The following PCDHA2 variants were observed in gnomAD, a reference collection of about 807,000 sequenced individuals.
PCDHA2 encodes the protein protocadherin alpha 2.
In PCDHA2, 58 loss-of-function variants were observed where a neutral mutation model predicts 66.0. The observed-to-expected ratio is 0.88, with a 90% CI of 0.71 to 1.09. The LOEUF is 1.09. Ranked by LOEUF, PCDHA2 falls within the 50% of genes least tolerant of loss-of-function variation. PCDHA2 has a pLI of 0.00. For synonymous variants in PCDHA2, 634 were observed against 554.0 expected, an observed-to-expected ratio of 1.14 and a Z score of -2.03; for missense variants, 1,267 against 1,242.3, an observed-to-expected ratio of 1.02 and a Z score of -0.30.
At chr5:140,863,510 T>C in intron 1 of PCDHA2, 1 of 411,624 alleles carries the variant, frequency 2.4e-6, no homozygotes, top group Non-Finnish European at 4.8e-6. Context: ...TTAGTCCTAG[T>C]GTTCTCCCAT....
intron 1 of PCDHA2, among the ~76,000 whole-genome samples, chr5:140,944,151 A>G (rs2093615419): frequency 6.6e-6 from 1 of 152,070 alleles, no homozygotes; most frequent in African/African-American, 2.4e-5. Flanking sequence ...GAAGAGTTGA[A>G]AATTAAAGGG....
At chr5:140,807,375 T>C (rs1763901819) in intron 1 of PCDHA2, 1 of 1,606,306 alleles carries the variant, frequency 6.2e-7, no homozygotes, top group Non-Finnish European at 8.5e-7. Flanking sequence ...GTGCCGCGCC[T>C]GTTCCGGGTG....
intron 1 of PCDHA2, chr5:140,802,166 G>A: frequency 1.2e-6 from 2 of 1,614,168 alleles, no homozygotes; most frequent in South Asian, 1.1e-5. Flanking sequence ...TAGAAGCCAC[G>A]GATAAAGGAA....
At chr5:140,932,525 A>G (rs2088383031) in intron 1 of PCDHA2, among the ~76,000 whole-genome samples, 1 of 151,898 alleles carries the variant, frequency 6.6e-6, no homozygotes, top group Non-Finnish European at 1.5e-5. Flanking sequence ...TGTTTGTGGC[A>G]TTCAAGGTGC....
chr5:140,804,684 C>A (rs1266870700), intron 1 of PCDHA2: 1 of 162,264 alleles, frequency 6.2e-6, no homozygotes, highest in African/African-American at 2.4e-5. Flanking sequence ...CTCCAAATAA[C>A]CAGAACCAAA....
chr5:140,823,739 AG>A, intron 1 of PCDHA2: 1 of 1,613,790 alleles, frequency 6.2e-7, no homozygotes, highest in Non-Finnish European at 8.5e-7. Flanking sequence ...GACCATGGAG[AG>A]CCCCCGCTGA....
chr5:140,973,653 A>G (rs2096597249), intron 1 of PCDHA2, among the ~76,000 whole-genome samples: 1 of 152,202 alleles, frequency 6.6e-6, no homozygotes, highest in African/African-American at 2.4e-5. Context: ...TGAAGAAGAA[A>G]TCTATTTATT....
chr5:140,877,581 C>G (rs904001764), intron 1 of PCDHA2: 1 of 1,613,842 alleles, frequency 6.2e-7, no homozygotes, highest in Admixed American at 1.7e-5. Context: ...TCATCATCGC[C>G]ATCTGTGCGG....
At chr5:140,874,401 A>G (rs2054889687) in intron 1 of PCDHA2, among the ~76,000 whole-genome samples, 1 of 152,218 alleles carries the variant, frequency 6.6e-6, no homozygotes, top group African/African-American at 2.4e-5. Context: ...CTTGCATAAC[A>G]GTCACCATTC....
At chr5:140,807,936 G>A in intron 1 of PCDHA2, 1 of 1,614,112 alleles carries the variant, frequency 6.2e-7, no homozygotes, top group South Asian at 1.1e-5. Flanking sequence ...TATAAGGTGA[G>A]ATTACTAGAA....
intron 1 of PCDHA2, among the ~76,000 whole-genome samples, chr5:140,898,083 A>G (rs2066516404): frequency 6.6e-6 from 1 of 151,810 alleles, no homozygotes; most frequent in South Asian, 2.1e-4. Context: ...TAGATTCTGG[A>G]TATTAGCCCT....
intron 1 of PCDHA2, chr5:140,829,429 C>G: frequency 5.0e-6 from 8 of 1,614,012 alleles, no homozygotes; most frequent in African/African-American, 1.3e-5. Context: ...TGGAGGTGGC[C>G]GACATGAATG....
chr5:140,952,378 A>G (rs1282372403), intron 1 of PCDHA2, among the ~76,000 whole-genome samples: 1 of 151,376 alleles, frequency 6.6e-6, no homozygotes, highest in Non-Finnish European at 1.5e-5. Flanking sequence ...TTCCTCTGCC[A>G]GGTACCCTAA....
At chr5:140,868,420 A>C (rs1554161960) in intron 1 of PCDHA2, 1 of 152,238 alleles carries the variant, frequency 6.6e-6, no homozygotes, top group Non-Finnish European at 1.5e-5. Flanking sequence ...AAGCCCACAG[A>C]GATGAGAATA....
At chr5:140,938,536 G>T (rs1443736475) in intron 1 of PCDHA2, among the ~76,000 whole-genome samples, 2 of 140,060 alleles carry the variant, frequency 1.4e-5, no homozygotes, top group Non-Finnish European at 3.2e-5. Context: ...TGGATAATAT[G>T]GATTTTTATC....
chr5:140,946,631 T>TATATATATATATATATATATACAC lies in PCDHA2; in HGVS notation c.2389-32317_2389-32316insTATATATATATATATATATACACA, dbSNP rs57893927. Among the ~76,000 whole-genome samples, 100 of 131,838 alleles carry TATATATATATATATATATATACAC rather than the reference T, an allele frequency of 7.6e-4. 3 individuals carry two copies. Among genetic ancestry groups the TATATATATATATATATATATACAC allele is most frequent in the African/African-American group, 2.6e-3 (76 of 28,714 alleles). The allele number at this position is 131,838 out of a possible 152,430, so 86.5% of individuals were successfully genotyped here. A position where few individuals can be genotyped will look rare whatever the true frequency, so the allele number is the denominator to read the frequency against. On this transcript the variant is annotated intron_variant, in intron 1 of 3. Transcript: ENST00000526136. ...TGTGAAATATATATATATATATATA[T>TATATATATATATATATATATACAC]ACAATGGAATACTCATCAGCCATTA...
chr5:140,807,800 G>A (rs1764034849), intron 1 of PCDHA2: 7 of 1,614,026 alleles, frequency 4.3e-6, no homozygotes, highest in Non-Finnish European at 5.9e-6. Flanking sequence ...CAGAGAAGAA[G>A]CTCCGGAGAT....
chr5:140,858,889 AT>A (rs2045644235), intron 1 of PCDHA2: 2 of 236,178 alleles, frequency 8.5e-6, no homozygotes, highest in African/African-American at 2.4e-5. Context: ...CATGTGTAGA[AT>A]ATGTGTAGCG....
At chr5:140,965,128 A>G (rs2095876420) in intron 1 of PCDHA2, among the ~76,000 whole-genome samples, 1 of 152,244 alleles carries the variant, frequency 6.6e-6, no homozygotes, top group African/African-American at 2.4e-5. Flanking sequence ...AGATCTACAG[A>G]TGACAGAATA....
Sources: allele counts gnomAD v4.1 joint callset (sites outside exome capture counted in the v4.1 genomes callset), GRCh38; gene constraint gnomAD v4.1.1; transcripts MANE v1.5; gene names NCBI Gene and HGNC (gene_info 2026-07-23, HGNC 2026-07-21).